The following RNF20 variants were observed in gnomAD, a reference collection of about 807,000 sequenced individuals.
The protein encoded by RNF20 is E3 ubiquitin-protein ligase BRE1A.
RNF20 carries 84 observed loss-of-function variants against 126.2 expected under a neutral mutation model. That is an observed-to-expected ratio of 0.67 (90% CI 0.56 to 0.80). The LOEUF is 0.80. Ranked by LOEUF, RNF20 falls within the 30% of genes least tolerant of loss-of-function variation. The probability of loss-of-function intolerance (pLI) is 0.00; values close to 1 mark genes in which losing one functional copy is unlikely to be tolerated. For synonymous variants in RNF20, 400 were observed against 414.3 expected (o/e 0.97, Z 0.42); for missense variants, 869 against 1,188.2 (o/e 0.73, Z 3.95).
In RNF20 at chr9:101,552,191, A is replaced by G; in HGVS notation, c.1459A>G (p.Asn487Asp). The change falls in exon 12 of 20, where the codon AAT becomes GAT. Residue 487 changes from asparagine to aspartate, a missense_variant. Asn to Asp is a conservative substitution (Grantham distance 23). Around this residue, in one of 8 missense-constraint regions of RNF20, gnomAD observed 231 missense variants for 263.6 expected, o/e 0.88. Transcript: ENST00000389120. The part of the protein sequence containing the change: ...RHLISSLQNH[N>D]HQLKGEVLRY... The stretch of plus-strand genomic sequence containing the variant: ...CCTCATCAGTAGCCTCCAGAATCAC[A>G]ATCACCAGCTGAAAGGGGAGGTCCT... 8 of 1,614,170 alleles carry G rather than the reference A, an allele frequency of 5.0e-6. No individual in the cohort carries two copies. The highest frequency in any genetic ancestry group is 1.1e-5 in the South Asian group (1 of 91,082).
At chr9:101,551,622 A>ATAATAGAT in intron 10 of RNF20, 62 bp from the exon 11 acceptor site, 2 of 806,296 alleles carry the variant, frequency 2.5e-6, no homozygotes, top group Non-Finnish European at 3.4e-6. Context: ...AATCCATAGA[A>ATAATAGAT]TATGATGATA....
intron 2 of RNF20, among the ~76,000 whole-genome samples, chr9:101,535,821 A>G (rs1191009734): frequency 1.3e-5 from 2 of 152,222 alleles, no homozygotes; most frequent in Non-Finnish European, 1.5e-5. Flanking sequence ...GGTATTTAGC[A>G]GTGGGAAGAT....
chr9:101,547,259 T>C (rs760328871), intron 8 of RNF20, 45 bp downstream of exon 8: 1 of 1,607,112 alleles, frequency 6.2e-7, no homozygotes, highest in Admixed American at 1.7e-5. Flanking sequence ...TATGTCAGCT[T>C]TCATGCTTAG....
Position 101,551,685 on chromosome 9 carries a change from G to A in RNF20, c.1274G>A (p.Arg425Gln), listed in dbSNP as rs76933515. The change falls in exon 11 of 20, where the codon CGA becomes CAA. Residue 425 changes from arginine (R) to glutamine (Q), a missense_variant and splice_region_variant. Arg to Gln is a conservative substitution (Grantham distance 43). Transcript: ENST00000389120. ...ATTGGTTCCTTTATCTGTGTGTAGC[G>A]AGATGAGGTTAGTCTTCATAAGAAG... is the stretch of plus-strand genomic sequence containing the variant. ...THQHQVELIE[R>Q]DEVSLHKKLR... 19 of 1,397,560 alleles carry A rather than the reference G, an allele frequency of 1.4e-5. No homozygotes were observed. The highest frequency in any genetic ancestry group is 6.2e-5 in the East Asian group (2 of 32,220). 86.6% of individuals were successfully genotyped at this position (1,397,560 alleles called of 1,614,324 possible).
chr9:101,554,898 A>T (rs1000111027), intron 15 of RNF20, 55 bp downstream of exon 15: 3 of 1,328,230 alleles, frequency 2.3e-6, no homozygotes, highest in African/African-American at 1.5e-5. Context: ...ACTTGACAAT[A>T]AGTTATTGCC....
chr9:101,548,401 A>G (rs1408548392), intron 9 of RNF20, among the ~76,000 whole-genome samples: 1 of 152,216 alleles, frequency 6.6e-6, no homozygotes, highest in Non-Finnish European at 1.5e-5. Flanking sequence ...GGTGATGTGT[A>G]GCATGGTGAC....
chr9:101,541,582 G>C (rs918826851), intron 5 of RNF20, among the ~76,000 whole-genome samples: 1 of 152,126 alleles, frequency 6.6e-6, no homozygotes, highest in Non-Finnish European at 1.5e-5. Flanking sequence ...TTAATAAACA[G>C]CTCTAATATC....
At chr9:101,550,502 G>A (rs1457591891) in intron 9 of RNF20, 104 bp from the exon 10 acceptor site, 2 of 866,766 alleles carry the variant, frequency 2.3e-6, no homozygotes, top group East Asian at 2.4e-5. Flanking sequence ...TTATAAAATT[G>A]TCTCTCTTGT....
chr9:101,537,206 C>T (rs906032638), intron 2 of RNF20, among the ~76,000 whole-genome samples: 2 of 152,184 alleles, frequency 1.3e-5, no homozygotes, highest in Non-Finnish European at 2.9e-5. Flanking sequence ...TATAGGAGGC[C>T]TTTGCAGTAA....
intron 13 of RNF20, 23 bp downstream of exon 13, chr9:101,552,776 C>A (rs1317215139): frequency 6.4e-7 from 1 of 1,567,836 alleles, no homozygotes; most frequent in South Asian, 1.2e-5. Context: ...TTTAGAGTAA[C>A]AGTTTCGACT....
chr9:101,549,503 C>T lies in RNF20; in HGVS notation c.1093-1103C>T, dbSNP rs561447949. On this transcript the variant is annotated intron_variant, in intron 9 of 19. Transcript: ENST00000389120. Reference sequence around the variant, plus strand: ...CTGAACAGGTTAGGCCTCCGGATAACGGCGGACGAGCCTGACTAATGTCAG... The same window carrying T: ...CTGAACAGGTTAGGCCTCCGGATAATGGCGGACGAGCCTGACTAATGTCAG... 3.9e-5 allele frequency among the ~76,000 whole-genome samples: 6 copies of T among 152,220 alleles called. No homozygotes were observed. The South Asian group carries it at 6.2e-4, about 16-fold the overall frequency.
intron 16 of RNF20, among the ~76,000 whole-genome samples, chr9:101,558,267 C>CAT (rs765010587): frequency 1.3e-5 from 2 of 152,076 alleles, no homozygotes; most frequent in African/African-American, 2.4e-5. Flanking sequence ...TGAGTGAGGA[C>CAT]ATACAATGTT....
rs776225783 is a variant in RNF20 at position 101,557,620 on chromosome 9, C to G, written c.2382+24C>G. On this transcript the variant is annotated intron_variant, in intron 16 of 19. Coordinates refer to ENST00000389120, the MANE Select transcript of RNF20 (RefSeq NM_019592.7). ...AGGTAATTAGGATGAGTAGAGCTTT[C>G]TATTCTGTTGAAATAGGGTGCTTTC... The G allele has an allele frequency of 9.7e-6, 15 of 1,544,888 alleles. No individual in the cohort carries two copies. In the South Asian group the frequency reaches 1.6e-4, roughly 16 times the overall value.
chr9:101,535,874 C>T (rs143146516), intron 2 of RNF20, among the ~76,000 whole-genome samples: 1,903 of 152,296 alleles, frequency 0.012, 19 homozygotes, highest in Non-Finnish European at 0.018. Context: ...GTACCAGATT[C>T]TAAGAGACAG....
chr9:101,552,421 G>A lies in RNF20; in HGVS notation c.1569G>A (p.Gln523=). 3 of 1,610,604 alleles carry A rather than the reference G, an allele frequency of 1.9e-6. No individual in the cohort carries two copies. Among genetic ancestry groups the A allele is most frequent in the Non-Finnish European group, 2.5e-6 (3 of 1,177,412 alleles). Residue 523 remains glutamine (Q), a synonymous_variant, in exon 13 of 20, where the codon CAG becomes CAA. Transcript: ENST00000389120. ...LRSGSALLQS[Q]SSTEDPKDEP... ...GTGGTAGTGCCCTCCTGCAGTCCCA[G>A]TCTAGTACTGAGGACCCGAAGGATG... is the stretch of plus-strand genomic sequence containing the variant.
At chr9:101,555,803 A>C (rs1015463419) in intron 15 of RNF20, among the ~76,000 whole-genome samples, 27 of 151,638 alleles carry the variant, frequency 1.8e-4, no homozygotes, top group African/African-American at 5.3e-4. Flanking sequence ...AAAAAAAAAA[A>C]ACAAAATTAG....
At chr9:101,537,640 A>C (rs1827204100) in intron 2 of RNF20, among the ~76,000 whole-genome samples, 1 of 152,232 alleles carries the variant, frequency 6.6e-6, no homozygotes, top group Admixed American at 6.5e-5. Context: ...GGAATGAGAA[A>C]GGACTAATCA....
At position 101,562,218 on chromosome 9, in the gene RNF20, T is replaced by C. The variant is rs185204242; in HGVS notation, c.2752-28T>C. 22 of 1,600,354 alleles carry C rather than the reference T, an allele frequency of 1.4e-5. No individual in the cohort carries two copies. In the Admixed American group the frequency reaches 2.5e-4, roughly 18 times the overall value. On this transcript the variant is annotated intron_variant, in intron 19 of 19. Transcript: ENST00000389120. ...TTTGGATCATAAACTTTCATGGTTG[T>C]TCAAACTCTGACATCTTTTCTTTTT...
chr9:101,542,425 A>T (rs1005034898), intron 5 of RNF20, among the ~76,000 whole-genome samples: 5 of 152,170 alleles, frequency 3.3e-5, no homozygotes, highest in African/African-American at 1.2e-4. Flanking sequence ...TCTTACATCT[A>T]CTTGCATGTC....
Sources: gnomAD v4.1 joint callset for allele counts (sites outside exome capture counted in the v4.1 genomes callset) on GRCh38, gnomAD v4.1.1 for gene constraint, gnomAD v4.1.1 regional missense constraint, MANE v1.5 for transcripts, NCBI Gene and HGNC (gene_info 2026-07-23, HGNC 2026-07-21) for gene names.